The following C9 variants were observed in gnomAD, a reference collection of about 807,000 sequenced individuals.
C9 encodes the protein complement component C9.
Under a neutral mutation model 65.4 loss-of-function variants are expected in C9, and 63 were observed. The observed-to-expected ratio is 0.96, with a 90% CI of 0.79 to 1.19. The LOEUF is 1.19. Ranked by LOEUF, C9 falls within the 50% of genes most tolerant of loss-of-function variation. The probability of loss-of-function intolerance (pLI) is 0.00; values close to 1 mark genes in which losing one functional copy is unlikely to be tolerated. For missense variants in C9, 744 were observed against 670.1 expected, an observed-to-expected ratio of 1.11 and a Z score of -1.22; for synonymous variants, 229 against 227.9, an observed-to-expected ratio of 1.00 and a Z score of -0.04.
intron 9 of C9, among the ~76,000 whole-genome samples, chr5:39,300,965 C>T (rs6873332): frequency 8.4e-4 from 128 of 151,770 alleles, no homozygotes; most frequent in African/African-American, 3.0e-3. Flanking sequence ...TTAGTGAGAC[C>T]AAGTTTAATA....
chr5:39,342,001 G>A (rs1754095957), intron 2 of C9, 90 bp downstream of exon 2: 2 of 831,230 alleles, frequency 2.4e-6, no homozygotes, highest in Non-Finnish European at 4.3e-6. Context: ...TCAGTTGTGG[G>A]GCTCCCTGCC....
At chr5:39,318,658 G>A (rs971416933) in intron 5 of C9, among the ~76,000 whole-genome samples, 1 of 151,778 alleles carries the variant, frequency 6.6e-6, no homozygotes, top group Non-Finnish European at 1.5e-5. Flanking sequence ...TTCTGAATTA[G>A]GTATAACTCT....
intron 3 of C9, 42 bp downstream of exon 3, chr5:39,341,514 C>T: frequency 6.2e-7 from 1 of 1,604,754 alleles, no homozygotes; most frequent in South Asian, 1.1e-5. Flanking sequence ...TTCAGGAAGG[C>T]ACACAGAAAG....
At chr5:39,352,188 G>A (rs1204353142) in intron 1 of C9, among the ~76,000 whole-genome samples, 2 of 152,126 alleles carry the variant, frequency 1.3e-5, no homozygotes, top group Admixed American at 6.5e-5. Flanking sequence ...TCCATCACAA[G>A]AACAGCAAGG....
chr5:39,290,988 A>C (rs1038974961), intron 9 of C9, among the ~76,000 whole-genome samples: 6 of 151,906 alleles, frequency 3.9e-5, no homozygotes, highest in African/African-American at 1.4e-4. Flanking sequence ...GAAATATACA[A>C]AATTACCCCA....
At chr5:39,334,682 C>G (rs1478134716) in intron 4 of C9, among the ~76,000 whole-genome samples, 1 of 150,526 alleles carries the variant, frequency 6.6e-6, no homozygotes, top group African/African-American at 2.5e-5. Context: ...CCGCCCAGTC[C>G]GGGAGGGAGG....
chr5:39,292,243 A>G (rs1753109037), intron 9 of C9, among the ~76,000 whole-genome samples: 1 of 151,556 alleles, frequency 6.6e-6, no homozygotes, highest in Non-Finnish European at 1.5e-5. Context: ...TACAAGCAGA[A>G]GGTCAAAGAT....
chr5:39,347,035 G>A (rs1754211028), intron 1 of C9, among the ~76,000 whole-genome samples: 1 of 152,238 alleles, frequency 6.6e-6, no homozygotes, highest in Non-Finnish European at 1.5e-5. Context: ...AATAATAAGA[G>A]CTATTTATGA....
intron 10 of C9, among the ~76,000 whole-genome samples, chr5:39,288,322 AAAGGG>A (rs1171910606): frequency 6.6e-5 from 10 of 151,752 alleles, no homozygotes; most frequent in Admixed American, 5.9e-4. Flanking sequence ...GCTTCTTAAA[AAAGGG>A]TTTTAAAGTA....
Position 39,311,143 on chromosome 5 carries a change from G to A in C9, c.1105C>T (p.Arg369Trp), listed in dbSNP as rs149784324. 4.2e-5 allele frequency: 67 copies of A among 1,613,054 alleles called. No individual in the cohort carries two copies. The East Asian group carries it at 8.0e-4, about 19-fold the overall frequency. The change falls in exon 7 of 11, where the codon CGG becomes TGG. Residue 369 changes from arginine to tryptophan, a missense_variant. Arg to Trp is a moderately radical substitution (Grantham distance 101, BLOSUM62 -3). Transcript: ENST00000263408. ...GCTCTATTTCTAGGCATACCTTTCC[G>A]CTTCATGGAAGCTTTATCCAAAACA... The part of the protein sequence containing the change: ...IYVLDKASMK[R>W]KGVELKDIKR...
chr5:39,343,037 G>A (rs964475297), intron 1 of C9, among the ~76,000 whole-genome samples: 1 of 152,050 alleles, frequency 6.6e-6, no homozygotes, highest in Non-Finnish European at 1.5e-5. Context: ...CTATAGTTAG[G>A]CCTCTTAAAC....
chr5:39,306,592 G>T, intron 9 of C9, 25 bp downstream of exon 9: 1 of 1,577,018 alleles, frequency 6.3e-7, no homozygotes, highest in South Asian at 1.1e-5. Flanking sequence ...ACAGTCTTCT[G>T]TTTGAAAATA....
intron 6 of C9, among the ~76,000 whole-genome samples, 184 bp downstream of exon 6, chr5:39,315,591 A>T (rs1753554821): frequency 6.6e-6 from 1 of 152,132 alleles, no homozygotes; most frequent in African/African-American, 2.4e-5. Flanking sequence ...TTATTCATTT[A>T]CCACTGCCAA....
chr5:39,363,387 G>A (rs534144957), intron 1 of C9, among the ~76,000 whole-genome samples: 5 of 152,260 alleles, frequency 3.3e-5, no homozygotes, highest in South Asian at 4.1e-4. Context: ...GCTGAATGGC[G>A]GCCTCCAACT....
At chr5:39,335,731 G>A (rs1397668567) in intron 4 of C9, among the ~76,000 whole-genome samples, 3 of 152,190 alleles carry the variant, frequency 2.0e-5, no homozygotes, top group Admixed American at 1.3e-4. Flanking sequence ...TGTGCCAAAT[G>A]AGGGGTACAT....
chr5:39,289,782 C>T (rs1480302696), intron 9 of C9, among the ~76,000 whole-genome samples: 1 of 151,706 alleles, frequency 6.6e-6, no homozygotes, highest in Non-Finnish European at 1.5e-5. Context: ...CTACGATGAA[C>T]TAAAGGCATA....
intron 1 of C9, among the ~76,000 whole-genome samples, chr5:39,354,421 C>G (rs1754379248): frequency 6.6e-6 from 1 of 152,156 alleles, no homozygotes; most frequent in Non-Finnish European, 1.5e-5. Context: ...CTCTAGGCAT[C>G]AATGTTTTTA....
At chr5:39,342,832 T>C (rs1343035944) in intron 1 of C9, among the ~76,000 whole-genome samples, 1 of 152,144 alleles carries the variant, frequency 6.6e-6, no homozygotes, top group Admixed American at 6.5e-5. Flanking sequence ...TTTCCACCCC[T>C]AGGCCCACTG....
At chr5:39,344,983 T>C (rs180690981) in intron 1 of C9, among the ~76,000 whole-genome samples, 1 of 152,216 alleles carries the variant, frequency 6.6e-6, no homozygotes, top group Non-Finnish European at 1.5e-5. Context: ...AGAGATTTTG[T>C]CACCACCAGC....
Sources: gnomAD v4.1 joint callset for allele counts (sites outside exome capture counted in the v4.1 genomes callset) on GRCh38, gnomAD v4.1.1 for gene constraint, MANE v1.5 for transcripts, NCBI Gene and HGNC (gene_info 2026-07-23, HGNC 2026-07-21) for gene names.